Variants in SHISA9 observed in about 807,000 individuals in gnomAD.
SHISA9 encodes the protein protein shisa-9.
Under a neutral mutation model 38.0 loss-of-function variants are expected in SHISA9, and 13 were observed. The observed-to-expected ratio is 0.34, with a 90% CI of 0.22 to 0.54. The LOEUF is 0.54. Among genes scored for constraint, SHISA9 ranks in the 20% least tolerant of loss-of-function variants. The pLI, the probability that SHISA9 is intolerant of heterozygous loss-of-function variation, is 0.91. For missense variants in SHISA9, 538 were observed against 575.8 expected (o/e 0.93, Z 0.67); for synonymous variants, 275 against 242.0 (o/e 1.14, Z -1.27).
At chr16:13,528,115 G>A in the SHISA9 span, among the ~76,000 whole-genome samples, 1 of 152,110 alleles carries the variant, frequency 6.6e-6, no homozygotes, top group Non-Finnish European at 1.5e-5. Flanking sequence ...CAATTAATCA[G>A]AATTCCTTTC....
chr16:13,002,388 T>C (rs978878621), intron 2 of SHISA9, among the ~76,000 whole-genome samples: 10 of 152,138 alleles, frequency 6.6e-5, no homozygotes, highest in African/African-American at 2.4e-4. Context: ...TAGGAGTTAG[T>C]CGTGATTATC....
chr16:13,184,372 C>T (rs752141523), intron 2 of SHISA9, among the ~76,000 whole-genome samples: 7 of 152,166 alleles, frequency 4.6e-5, no homozygotes, highest in African/African-American at 7.2e-5. Context: ...ATTTAAGCTC[C>T]ATATTTCAGA....
the SHISA9 span, among the ~76,000 whole-genome samples, chr16:13,473,522 A>G: frequency 1.3e-5 from 2 of 151,372 alleles, no homozygotes; most frequent in African/African-American, 2.4e-5. Flanking sequence ...CACTGAGTTG[A>G]ATAATTGATT....
At chr16:13,439,324 A>G in the SHISA9 span, among the ~76,000 whole-genome samples, 1 of 152,196 alleles carries the variant, frequency 6.6e-6, no homozygotes, top group African/African-American at 2.4e-5. Flanking sequence ...GCTCTGTTGT[A>G]TACTTAAAAT....
chr16:13,283,544 G>A, the SHISA9 span, among the ~76,000 whole-genome samples: 1 of 152,006 alleles, frequency 6.6e-6, no homozygotes, highest in Admixed American at 6.6e-5. Context: ...CAAGCAAAAG[G>A]GGTTTCTCCC....
At chr16:13,166,961 A>C (rs2050641495) in intron 2 of SHISA9, among the ~76,000 whole-genome samples, 1 of 151,924 alleles carries the variant, frequency 6.6e-6, no homozygotes, top group African/African-American at 2.4e-5. Context: ...CATCCTGCAC[A>C]TGTACCCTGG....
the SHISA9 span, among the ~76,000 whole-genome samples, chr16:13,416,716 GAGAA>G: frequency 1.4e-5 from 2 of 142,572 alleles, no homozygotes; most frequent in South Asian, 2.3e-4. Context: ...AAAGAAGAAA[GAGAA>G]AGAAAGGAAG....
the SHISA9 span, among the ~76,000 whole-genome samples, chr16:13,356,150 G>A: frequency 1.3e-5 from 2 of 152,182 alleles, no homozygotes; most frequent in South Asian, 2.1e-4. Flanking sequence ...GCAAGGAATT[G>A]CAACTTTTTT....
At chr16:13,159,221 A>T (rs145012495) in intron 2 of SHISA9, among the ~76,000 whole-genome samples, 17 of 152,352 alleles carry the variant, frequency 1.1e-4, no homozygotes, top group Non-Finnish European at 2.4e-4. Context: ...AAAGTTACAT[A>T]AATTAACATG....
intron 2 of SHISA9, among the ~76,000 whole-genome samples, chr16:13,152,682 A>T (rs1254869083): frequency 6.6e-6 from 1 of 151,218 alleles, no homozygotes; most frequent in Admixed American, 6.6e-5. Context: ...GCAAGGATGG[A>T]ACACCCAGTT....
At chr16:13,119,555 A>G (rs1217848448) in intron 2 of SHISA9, among the ~76,000 whole-genome samples, 1 of 152,244 alleles carries the variant, frequency 6.6e-6, no homozygotes, top group Non-Finnish European at 1.5e-5. Flanking sequence ...ACTACTAACA[A>G]TCATTATAAT....
the SHISA9 span, among the ~76,000 whole-genome samples, chr16:13,449,449 A>T: frequency 6.6e-6 from 1 of 152,188 alleles, no homozygotes; most frequent in Non-Finnish European, 1.5e-5. Context: ...TCCTGGGGGT[A>T]AGGGGAAGCT....
At chr16:13,362,417 G>C in the SHISA9 span, among the ~76,000 whole-genome samples, 2 of 152,090 alleles carry the variant, frequency 1.3e-5, no homozygotes, top group African/African-American at 4.8e-5. Context: ...AACAGAGGGA[G>C]ACCCTGTCTC....
the SHISA9 span, among the ~76,000 whole-genome samples, chr16:13,275,096 C>T: frequency 1.1e-4 from 17 of 152,200 alleles, no homozygotes; most frequent in African/African-American, 3.1e-4. Context: ...CTACCAGCTA[C>T]GTGAGATTGG....
intron 2 of SHISA9, among the ~76,000 whole-genome samples, chr16:12,938,498 C>G (rs1270564335): frequency 4.0e-5 from 6 of 151,898 alleles, no homozygotes; most frequent in Non-Finnish European, 8.8e-5. Context: ...CTCTCTCTCT[C>G]TCTCTCTTTT....
rs559083613 is a variant in SHISA9, at chr16:12,967,625, A to G, written c.691+50810A>G. Among the ~76,000 whole-genome samples the G allele has an allele frequency of 4.6e-5, 7 of 152,080 alleles. No individual in the cohort carries two copies. In the South Asian group the frequency reaches 1.5e-3, roughly 32 times the overall value. ...CTGTTTTATAACCAGTGTTATGGACATCCAAGGACAATGTTGATTTTGTTA... is the reference window on the plus strand; with the variant it reads ...CTGTTTTATAACCAGTGTTATGGACGTCCAAGGACAATGTTGATTTTGTTA... On this transcript the variant is annotated intron_variant, in intron 2 of 4. Transcript: ENST00000558583.
chr16:13,077,767 C>A (rs1292027702), intron 2 of SHISA9, among the ~76,000 whole-genome samples: 1 of 151,280 alleles, frequency 6.6e-6, no homozygotes, highest in Non-Finnish European at 1.5e-5. Flanking sequence ...CAGAAGGAAG[C>A]CCTGAAAGGA....
intron 2 of SHISA9, among the ~76,000 whole-genome samples, chr16:13,162,379 T>G (rs970264695): frequency 5.3e-5 from 8 of 152,174 alleles, no homozygotes; most frequent in Admixed American, 5.2e-4. Context: ...AGGTACAAAT[T>G]AAACAAGGCT....
At chr16:13,347,781 A>G in the SHISA9 span, among the ~76,000 whole-genome samples, 1 of 151,982 alleles carries the variant, frequency 6.6e-6, no homozygotes, top group Non-Finnish European at 1.5e-5. Context: ...AAGATGTACT[A>G]TTGTTGCCCA....
Sources: allele counts gnomAD v4.1 joint callset (sites outside exome capture counted in the v4.1 genomes callset), GRCh38; gene constraint gnomAD v4.1.1; transcripts MANE v1.5; gene names NCBI Gene and HGNC (gene_info 2026-07-23, HGNC 2026-07-21).